SLC44A5: variants seen among roughly 807,000 people sequenced by gnomAD.
SLC44A5 encodes choline transporter-like protein 5.
SLC44A5 carries 57 observed loss-of-function variants against 101.8 expected under a neutral mutation model. That is an observed-to-expected ratio of 0.56 (90% confidence interval 0.45 to 0.70). SLC44A5 has a LOEUF of 0.70. Ranked by LOEUF, SLC44A5 falls within the 30% of genes least tolerant of loss-of-function variation. The pLI is 0.00. For missense variants in SLC44A5, 737 were observed against 853.1 expected (o/e 0.86, Z 1.70); for synonymous variants, 281 against 290.9 (o/e 0.97, Z 0.35).
intron 2 of SLC44A5, among the ~76,000 whole-genome samples, chr1:75,462,644 G>A (rs941084190): frequency 2.0e-5 from 3 of 151,738 alleles, no homozygotes; most frequent in Non-Finnish European, 4.4e-5. Context: ...ATAACGCAGA[G>A]AAGGAATTCA....
chr1:75,466,893 AAAT>A (rs1265564296), intron 2 of SLC44A5, among the ~76,000 whole-genome samples: 1 of 152,146 alleles, frequency 6.6e-6, no homozygotes. Flanking sequence ...GGAAGAAGTC[AAAT>A]TGTCCTATTT....
chr1:75,437,216 G>C (rs1664941488), intron 2 of SLC44A5, among the ~76,000 whole-genome samples: 1 of 152,088 alleles, frequency 6.6e-6, no homozygotes, highest in Non-Finnish European at 1.5e-5. Flanking sequence ...ATTCTGTACT[G>C]TCCATAGTTG....
At chr1:75,423,853 C>T (rs1288344876) in intron 2 of SLC44A5, among the ~76,000 whole-genome samples, 1 of 152,222 alleles carries the variant, frequency 6.6e-6, no homozygotes, top group African/African-American at 2.4e-5. Context: ...TCCTAATCAA[C>T]TGCTGTTTTC....
chr1:75,681,152 G>C, the SLC44A5 span, among the ~76,000 whole-genome samples: 1 of 152,254 alleles, frequency 6.6e-6, no homozygotes, highest in East Asian at 1.9e-4. Flanking sequence ...TCCAGGACCA[G>C]ATGGATTCAC....
intron 1 of SLC44A5, among the ~76,000 whole-genome samples, chr1:75,552,855 A>C (rs894819): frequency 0.15 from 23,228 of 152,050 alleles, 2,011 homozygotes; most frequent in Admixed American, 0.23. Flanking sequence ...CAACTAATTC[A>C]CATTTGTGGC....
chr1:75,618,500 A>C, the SLC44A5 span, among the ~76,000 whole-genome samples: 1 of 152,234 alleles, frequency 6.6e-6, no homozygotes, highest in Non-Finnish European at 1.5e-5. Context: ...GACAGAATAC[A>C]TGACACCATC....
chr1:75,346,782 C>G (rs1356802213), intron 3 of SLC44A5, among the ~76,000 whole-genome samples: 3 of 151,980 alleles, frequency 2.0e-5, no homozygotes, highest in Non-Finnish European at 4.4e-5. Flanking sequence ...AAAAAAAGAC[C>G]TATGAAATAC....
chr1:75,259,428 C>T (rs576931587), intron 6 of SLC44A5, among the ~76,000 whole-genome samples: 1 of 152,072 alleles, frequency 6.6e-6, no homozygotes, highest in Admixed American at 6.5e-5. Flanking sequence ...GAAAGAATGT[C>T]AGAGATTGAA....
chr1:75,459,175 C>T (rs1013417492), intron 2 of SLC44A5, among the ~76,000 whole-genome samples: 9 of 152,182 alleles, frequency 5.9e-5, no homozygotes, highest in Non-Finnish European at 1.3e-4. Flanking sequence ...AGGACGTCTG[C>T]TCTAATCCAA....
chr1:75,565,942 A>C (rs1228613805), intron 1 of SLC44A5, among the ~76,000 whole-genome samples: 1 of 152,228 alleles, frequency 6.6e-6, no homozygotes, highest in African/African-American at 2.4e-5. Flanking sequence ...TTAATATTGA[A>C]GGTGTTATTT....
intron 2 of SLC44A5, among the ~76,000 whole-genome samples, chr1:75,418,898 A>T (rs1663828329): frequency 6.6e-6 from 1 of 152,216 alleles, no homozygotes; most frequent in African/African-American, 2.4e-5. Flanking sequence ...CAGAAAAAAA[A>T]TAAAATACAA....
At chr1:75,447,502 A>G (rs994217976) in intron 2 of SLC44A5, among the ~76,000 whole-genome samples, 4 of 152,212 alleles carry the variant, frequency 2.6e-5, no homozygotes, top group African/African-American at 9.6e-5. Flanking sequence ...ATGGAAAACA[A>G]GAGATGCTAA....
intron 1 of SLC44A5, among the ~76,000 whole-genome samples, chr1:75,580,078 T>C (rs1256849609): frequency 2.0e-5 from 3 of 152,020 alleles, no homozygotes; most frequent in Non-Finnish European, 4.4e-5. Context: ...TAAAATCTAT[T>C]GATAAAATAT....
At chr1:75,688,158 G>A in the SLC44A5 span, among the ~76,000 whole-genome samples, 3 of 152,310 alleles carry the variant, frequency 2.0e-5, no homozygotes, top group East Asian at 5.8e-4. Context: ...TTTCCTGACA[G>A]GAGGCTAATG....
chr1:75,515,439 C>T (rs903322932), intron 2 of SLC44A5, among the ~76,000 whole-genome samples: 3 of 152,080 alleles, frequency 2.0e-5, no homozygotes, highest in Non-Finnish European at 4.4e-5. Context: ...CCATTCCCCA[C>T]ACACCTCAGC....
intron 6 of SLC44A5, among the ~76,000 whole-genome samples, chr1:75,274,008 T>A (rs1651713528): frequency 6.6e-6 from 1 of 152,120 alleles, no homozygotes; most frequent in African/African-American, 2.4e-5. Flanking sequence ...ATTTTGGACT[T>A]TTTTGTTGTC....
At chr1:75,386,531 T>G (rs1052900231) in intron 3 of SLC44A5, among the ~76,000 whole-genome samples, 1 of 152,134 alleles carries the variant, frequency 6.6e-6, no homozygotes, top group Non-Finnish European at 1.5e-5. Context: ...CAAGGAGAAC[T>G]ACAAACCGCT....
At chr1:75,531,526 G>A (rs993729490) in intron 2 of SLC44A5, among the ~76,000 whole-genome samples, 1 of 152,270 alleles carries the variant, frequency 6.6e-6, no homozygotes, top group Non-Finnish European at 1.5e-5. Flanking sequence ...AGTCACTGGG[G>A]ATCTTGTAAA....
intron 1 of SLC44A5, among the ~76,000 whole-genome samples, chr1:75,552,257 C>T (rs1306750502): frequency 1.3e-5 from 2 of 152,084 alleles, no homozygotes; most frequent in Non-Finnish European, 2.9e-5. Context: ...TCCCTAGTAT[C>T]TGTAAACTAT....
Sources: allele counts gnomAD v4.1 joint callset (sites outside exome capture counted in the v4.1 genomes callset), GRCh38; gene constraint gnomAD v4.1.1; transcripts MANE v1.5; gene names NCBI Gene and HGNC (gene_info 2026-07-23, HGNC 2026-07-21).